Variants in MYO18B observed in about 807,000 individuals in gnomAD.
The protein encoded by MYO18B is myosin XVIIIB.
MYO18B carries 204 observed loss-of-function variants against 273.0 expected under a neutral mutation model. The observed-to-expected ratio is 0.75, with a 90% CI of 0.67 to 0.84. The LOEUF is 0.84. Ranked by LOEUF, MYO18B falls within the 40% of genes least tolerant of loss-of-function variation. MYO18B has a pLI of 0.00. For synonymous variants in MYO18B, 1,330 were observed against 1,305.7 expected, an observed-to-expected ratio of 1.02 and a Z score of -0.40; for missense variants, 3,212 against 3,287.6, an observed-to-expected ratio of 0.98 and a Z score of 0.56.
intron 41 of MYO18B, among the ~76,000 whole-genome samples, chr22:26,003,617 C>T (rs1393748271): frequency 4.6e-5 from 7 of 152,176 alleles, no homozygotes; most frequent in Non-Finnish European, 7.3e-5. Context: ...CCCTTGCCTT[C>T]CCCTCCAACT....
chr22:25,997,978 C>CGAGA lies in MYO18B; in HGVS notation c.6288-5266_6288-5263dup, dbSNP rs5844669. Among the ~76,000 whole-genome samples, 535 of 144,634 alleles carry CGAGA rather than the reference C, an allele frequency of 3.7e-3. 4 individuals are homozygous for CGAGA. The highest frequency in any genetic ancestry group is 0.013 in the African/African-American group (495 of 37,924). The allele number at this position is 144,634 out of a possible 152,430, so 94.9% of individuals were successfully genotyped here. Reference sequence around the variant, plus strand: ...ACACAAACACACACACACACACACACGAGAGAGAGAGAGAGAGAGAGAGAT... The same window carrying CGAGA: ...ACACAAACACACACACACACACACACGAGAGAGAGAGAGAGAGAGAGAGAGAGAT... On this transcript the variant is annotated intron_variant, in intron 40 of 43. Transcript: ENST00000335473.
intron 18 of MYO18B, among the ~76,000 whole-genome samples, 178 bp from the exon 19 acceptor site, chr22:25,845,919 GCCT>G (rs1028862164): frequency 2.0e-5 from 3 of 152,256 alleles, no homozygotes; most frequent in African/African-American, 7.2e-5. Flanking sequence ...ATGAAGCAAA[GCCT>G]CACCTGGCAG....
rs57844236 is a variant in MYO18B at position 25,947,487 on chromosome 22, T to TACACACACACACACACAC, written c.5632-186_5632-169dup. ...ATTCATAGTCACATGTAATGCCTAA[T>TACACACACACACACACAC]ACACACACACACACACACACACACA... On this transcript the variant is annotated intron_variant, in intron 35 of 43. Transcript: ENST00000335473. Among the ~76,000 whole-genome samples the TACACACACACACACACAC allele has an allele frequency of 4.8e-4, 53 of 110,664 alleles. 2 individuals carry two copies. The highest frequency in any genetic ancestry group is 3.6e-4 in the South Asian group (1 of 2,766). The allele number at this position is 110,664 out of a possible 152,430, so 72.6% of individuals were successfully genotyped here.
At position 25,769,130 on chromosome 22, in the gene MYO18B, C is replaced by T. The variant is rs1478681592; in HGVS notation, c.1214C>T (p.Ala405Val). The T allele has an allele frequency of 1.9e-6, 3 of 1,613,506 alleles. No individual in the cohort carries two copies. Among genetic ancestry groups the T allele is most frequent in the Admixed American group, 1.7e-5 (1 of 59,958 alleles). ...MGQPQGKSGNAGEARSQTEKG... is the reference protein window; with the variant it reads ...MGQPQGKSGNVGEARSQTEKG... ...CAACCCCAGGGTAAGTCCGGGAACG[C>T]AGGTGAAGCTCGGAGTCAGACAGAG... The change falls in exon 4 of 44, where the codon GCA becomes GTA. Residue 405 changes from alanine (A) to valine (V), a missense_variant. Transcript: ENST00000335473.
At chr22:25,825,984 C>T (rs768867038) in intron 13 of MYO18B, among the ~76,000 whole-genome samples, 3 of 152,232 alleles carry the variant, frequency 2.0e-5, no homozygotes, top group Non-Finnish European at 4.4e-5. Context: ...AACCCAGGGA[C>T]AGCGCCTATC....
At chr22:26,038,614 G>A in the MYO18B span, among the ~76,000 whole-genome samples, 1 of 152,092 alleles carries the variant, frequency 6.6e-6, no homozygotes, top group Middle Eastern at 3.2e-3. Flanking sequence ...CACTTTAAGC[G>A]CTGGGAAACA....
chr22:25,937,326 C>T (rs936093911), intron 34 of MYO18B, among the ~76,000 whole-genome samples: 6 of 152,054 alleles, frequency 3.9e-5, no homozygotes, highest in South Asian at 2.1e-4. Flanking sequence ...TCAACCGATT[C>T]GTTTGCCTCG....
At position 25,779,698 on chromosome 22, in the gene MYO18B, C is replaced by A. The variant is rs369393235; in HGVS notation, c.2069-358C>A. Among the ~76,000 whole-genome samples the A allele has an allele frequency of 1.5e-3, 231 of 152,310 alleles. 10 individuals are homozygous for A. In the South Asian group the frequency reaches 0.046, roughly 31 times the overall value. On this transcript the variant is annotated intron_variant, in intron 8 of 43. Transcript: ENST00000335473. ...CCTGCCTCTAAGCTGTGAGTGCAGGCCCTAGAATGTTATCCTCACCTCTTC... is the reference window on the plus strand; with the variant it reads ...CCTGCCTCTAAGCTGTGAGTGCAGGACCTAGAATGTTATCCTCACCTCTTC...
At chr22:25,992,604 G>A in intron 40 of MYO18B, 111 bp downstream of exon 40, 2 of 1,435,426 alleles carry the variant, frequency 1.4e-6, no homozygotes, top group Admixed American at 1.9e-5. Context: ...ACCCAAAGAT[G>A]TTCGGGGGCT....
chr22:25,967,560 A>G (rs1283251405), intron 39 of MYO18B, among the ~76,000 whole-genome samples: 2 of 152,202 alleles, frequency 1.3e-5, no homozygotes, highest in Non-Finnish European at 2.9e-5. Flanking sequence ...ATGAGGATCG[A>G]CCAAGCAGTT....
chr22:25,982,959 T>C (rs2146798442), intron 39 of MYO18B, among the ~76,000 whole-genome samples: 1 of 152,256 alleles, frequency 6.6e-6, no homozygotes, highest in African/African-American at 2.4e-5. Context: ...TGAGAGATAA[T>C]AAATGATATT....
At chr22:25,932,415 T>C (rs1435341226) in intron 34 of MYO18B, among the ~76,000 whole-genome samples, 1 of 149,608 alleles carries the variant, frequency 6.7e-6, no homozygotes, top group Non-Finnish European at 1.5e-5. Flanking sequence ...TTCTTTCTTT[T>C]TTTTTTCTTT....
At chr22:25,918,135 A>C (rs1210042853) in intron 33 of MYO18B, among the ~76,000 whole-genome samples, 2 of 152,164 alleles carry the variant, frequency 1.3e-5, no homozygotes, top group African/African-American at 2.4e-5. Flanking sequence ...TTTGTGCACC[A>C]TCTTTTTTTC....
intron 42 of MYO18B, among the ~76,000 whole-genome samples, chr22:26,025,119 C>A (rs1171916320): frequency 6.6e-6 from 1 of 152,178 alleles, no homozygotes; most frequent in East Asian, 1.9e-4. Flanking sequence ...TAGGTGTCAA[C>A]ATATTAATTT....
intron 40 of MYO18B, among the ~76,000 whole-genome samples, chr22:25,996,777 T>C (rs1933298790): frequency 6.6e-6 from 1 of 151,910 alleles, no homozygotes; most frequent in South Asian, 2.1e-4. Context: ...AGAAAATGAG[T>C]AATGGCAGAT....
chr22:26,019,208 C>T (rs185510467), intron 42 of MYO18B, among the ~76,000 whole-genome samples: 1 of 152,216 alleles, frequency 6.6e-6, no homozygotes, highest in African/African-American at 2.4e-5. Flanking sequence ...AGTCTCAGCT[C>T]TGCTCCTTCT....
intron 17 of MYO18B, among the ~76,000 whole-genome samples, chr22:25,838,637 T>C (rs4820659): frequency 0.83 from 126,105 of 152,246 alleles, 52,481 homozygotes; most frequent in East Asian, 1. Flanking sequence ...GTATTCAGTG[T>C]GGTCACATGC....
intron 9 of MYO18B, among the ~76,000 whole-genome samples, 176 bp from the exon 10 acceptor site, chr22:25,781,558 C>A (rs566997837): frequency 7.0e-6 from 1 of 142,660 alleles, no homozygotes; most frequent in Non-Finnish European, 1.5e-5. Context: ...TGCAGTGAGC[C>A]GAGATCACGC....
chr22:25,842,153 C>T (rs973295060), intron 17 of MYO18B, among the ~76,000 whole-genome samples: 1 of 152,164 alleles, frequency 6.6e-6, no homozygotes, highest in African/African-American at 2.4e-5. Context: ...CAAAGGCTCA[C>T]GAAAGCCGCA....
Sources: allele counts gnomAD v4.1 joint callset (sites outside exome capture counted in the v4.1 genomes callset), GRCh38; gene constraint gnomAD v4.1.1; transcripts MANE v1.5; gene names NCBI Gene and HGNC (gene_info 2026-07-23, HGNC 2026-07-21).